The following PPP1R37 variants were observed in gnomAD, a reference collection of about 807,000 sequenced individuals.
PPP1R37 encodes the protein protein phosphatase 1 regulatory subunit 37, also known as leucine rich repeat containing 68.
A neutral mutation model predicts 61.0 loss-of-function variants in PPP1R37; 21 were observed. That is an observed-to-expected ratio of 0.34 (90% CI 0.24 to 0.50). The LOEUF is 0.50. PPP1R37 is among the 20% of genes least tolerant of loss of function. PPP1R37 has a pLI of 0.98. For synonymous variants in PPP1R37, 443 were observed against 433.5 expected, an observed-to-expected ratio of 1.02 and a Z score of -0.27; for missense variants, 910 against 952.7, an observed-to-expected ratio of 0.96 and a Z score of 0.59.
At chr19:45,118,120 A>G (rs1968293966) in intron 1 of PPP1R37, among the ~76,000 whole-genome samples, 1 of 152,204 alleles carries the variant, frequency 6.6e-6, no homozygotes, top group Non-Finnish European at 1.5e-5. Context: ...TGGGCTTCCA[A>G]CTGCCTACAG....
intron 1 of PPP1R37, among the ~76,000 whole-genome samples, chr19:45,115,870 A>T (rs1431834041): frequency 6.6e-6 from 1 of 151,716 alleles, no homozygotes. Flanking sequence ...CCTACTCGGG[A>T]GGCTGAGGGA....
intron 1 of PPP1R37, among the ~76,000 whole-genome samples, chr19:45,123,751 AG>A (rs1322806396): frequency 1.3e-5 from 2 of 152,230 alleles, no homozygotes; most frequent in African/African-American, 4.8e-5. Context: ...GGAATGCTTT[AG>A]GGCATGTTTT....
At chr19:45,118,492 C>G (rs538353539) in intron 1 of PPP1R37, among the ~76,000 whole-genome samples, 1 of 150,390 alleles carries the variant, frequency 6.6e-6, no homozygotes, top group Non-Finnish European at 1.5e-5. Flanking sequence ...TCTTCTTTGT[C>G]TTGGGTTGGG....
chr19:45,145,095 C>T lies in PPP1R37; in HGVS notation c.1131C>T (p.Gly377=), dbSNP rs561693389. ...GLASTKLTCE[G]AVAVAEFIAE... Reference sequence around the variant, plus strand: ...CCAGCCCCTGCGGTGCCCCCCCAGGCGCGGTGGCGGTGGCGGAGTTCATCG... The same window carrying T: ...CCAGCCCCTGCGGTGCCCCCCCAGGTGCGGTGGCGGTGGCGGAGTTCATCG... The change falls in exon 10 of 13, where the codon GGC becomes GGT. Residue 377 remains glycine (G), a splice_region_variant and synonymous_variant. Transcript: ENST00000221462. 10 of 1,532,488 alleles carry T rather than the reference C, an allele frequency of 6.5e-6. No homozygotes were observed. Among genetic ancestry groups the T allele is most frequent in the Non-Finnish European group, 7.0e-6 (8 of 1,145,398 alleles). The allele number at this position is 1,532,488 out of a possible 1,614,324, so 94.9% of individuals were successfully genotyped here.
intron 1 of PPP1R37, among the ~76,000 whole-genome samples, chr19:45,126,753 A>G (rs990814009): frequency 1.3e-5 from 2 of 152,138 alleles, no homozygotes; most frequent in African/African-American, 4.8e-5. Context: ...CCAGGCTTGA[A>G]GCCAGGTTCT....
chr19:45,143,982 G>A (rs566135418), intron 8 of PPP1R37: 3 of 169,398 alleles, frequency 1.8e-5, no homozygotes, highest in Non-Finnish European at 3.8e-5. Context: ...TGGGACTACA[G>A]GTGCCCGCCA....
intron 1 of PPP1R37, among the ~76,000 whole-genome samples, chr19:45,102,617 A>G (rs1412112951): frequency 6.6e-6 from 1 of 152,198 alleles, no homozygotes; most frequent in Non-Finnish European, 1.5e-5. Flanking sequence ...ACCAGCGGGT[A>G]GGATCATCTG....
chr19:45,104,060 C>T (rs760573858), intron 1 of PPP1R37, among the ~76,000 whole-genome samples: 4 of 152,042 alleles, frequency 2.6e-5, no homozygotes, highest in Non-Finnish European at 4.4e-5. Flanking sequence ...GACCAATTCC[C>T]GTTACCCCTC....
intron 1 of PPP1R37, among the ~76,000 whole-genome samples, chr19:45,113,751 A>T (rs769144718): frequency 1.3e-5 from 2 of 152,198 alleles, no homozygotes; most frequent in Admixed American, 6.5e-5. Flanking sequence ...GAGCTCACTC[A>T]GAGAGTTCTC....
At chr19:45,095,355 T>C (rs931929989) in intron 1 of PPP1R37, among the ~76,000 whole-genome samples, 8 of 148,878 alleles carry the variant, frequency 5.4e-5, no homozygotes, top group African/African-American at 2.1e-4. Flanking sequence ...CAGGCTGGTC[T>C]CGAACTCCCG....
At chr19:45,115,056 A>G (rs1402591518) in intron 1 of PPP1R37, among the ~76,000 whole-genome samples, 1 of 152,154 alleles carries the variant, frequency 6.6e-6, no homozygotes, top group Non-Finnish European at 1.5e-5. Flanking sequence ...GCATGCATTC[A>G]GCGAGTATTG....
intron 1 of PPP1R37, among the ~76,000 whole-genome samples, chr19:45,122,564 C>T (rs1968355093): frequency 6.6e-6 from 1 of 152,084 alleles, no homozygotes; most frequent in Non-Finnish European, 1.5e-5. Flanking sequence ...GAGAAGGAAG[C>T]AGGGATTCAT....
At chr19:45,146,084 C>T (rs1380899488) in intron 11 of PPP1R37, 35 bp downstream of exon 11, 18 of 1,487,256 alleles carry the variant, frequency 1.2e-5, no homozygotes, top group Middle Eastern at 1.7e-4. Context: ...TTGAGGGGCC[C>T]TGGGTGCTGT....
At chr19:45,101,770 G>A (rs1185100616) in intron 1 of PPP1R37, among the ~76,000 whole-genome samples, 2 of 152,194 alleles carry the variant, frequency 1.3e-5, no homozygotes, top group Admixed American at 6.5e-5. Flanking sequence ...CTGTGTGGAG[G>A]TGACATGAAT....
intron 1 of PPP1R37, among the ~76,000 whole-genome samples, chr19:45,093,740 A>G (rs1306463013): frequency 2.0e-5 from 3 of 152,174 alleles, no homozygotes; most frequent in African/African-American, 7.2e-5. Context: ...CACCCCACCC[A>G]CCCGAGACAA....
intron 1 of PPP1R37, chr19:45,136,433 C>CT (rs1968539959): frequency 6.6e-6 from 1 of 152,208 alleles, no homozygotes; most frequent in African/African-American, 2.4e-5. Flanking sequence ...TTCGTGGGCC[C>CT]TTTGGGGGTC....
intron 1 of PPP1R37, among the ~76,000 whole-genome samples, chr19:45,111,278 T>G (rs1277046139): frequency 1.3e-5 from 2 of 151,396 alleles, no homozygotes; most frequent in Non-Finnish European, 2.9e-5. Flanking sequence ...ATTATTATTA[T>G]TATTATTTTT....
rs1209900597 is a variant in PPP1R37, at chr19:45,145,885, T to G, written c.1829T>G (p.Ile610Ser). 1 of 1,390,444 alleles carries G rather than the reference T, an allele frequency of 7.2e-7. No individual in the cohort carries two copies. The highest frequency in any genetic ancestry group is 9.5e-7 in the Non-Finnish European group (1 of 1,057,606). The allele number at this position is 1,390,444 out of a possible 1,614,324, so 86.1% of individuals were successfully genotyped here. A position where few individuals can be genotyped will look rare whatever the true frequency, so the allele number is the denominator to read the frequency against. The change falls in exon 11 of 13, where the codon ATT becomes AGT. Residue 610 changes from isoleucine to serine, a missense_variant. Ile to Ser is a moderately radical substitution (Grantham distance 142, BLOSUM62 -2). This residue lies in a region of PPP1R37 where 549 missense variants were observed against 505.1 expected (regional missense o/e 1.09). Coordinates refer to ENST00000221462, the MANE Select transcript of PPP1R37 (RefSeq NM_019121.2). ...ASPSLPPAGAIDTRDTGSSEP... is the reference protein window; with the variant it reads ...ASPSLPPAGASDTRDTGSSEP... ...CCTTCCCTACCACCAGCCGGGGCCATTGACACCCGGGACACAGGGTCCTCT... is the reference window on the plus strand; with the variant it reads ...CCTTCCCTACCACCAGCCGGGGCCAGTGACACCCGGGACACAGGGTCCTCT...
In PPP1R37 at chr19:45,093,282, C is replaced by T. The variant is rs1967945058; in HGVS notation, c.-44C>T. 4.5e-6 allele frequency: 6 copies of T among 1,346,708 alleles called. No individual in the cohort carries two copies. Among genetic ancestry groups the T allele is most frequent in the Non-Finnish European group, 5.7e-6 (6 of 1,050,188 alleles). 83.4% of individuals were successfully genotyped at this position (1,346,708 alleles called of 1,614,324 possible). Reference sequence around the variant, plus strand: ...GGACCCGGAGAGACAAATCCGGGGCCCGGGGCATGTCCCCGGGGCCCCCGT... The same window carrying T: ...GGACCCGGAGAGACAAATCCGGGGCTCGGGGCATGTCCCCGGGGCCCCCGT... On this transcript the variant is annotated 5_prime_UTR_variant, in exon 1 of 13. Transcript: ENST00000221462.
Sources: gnomAD v4.1 joint callset for allele counts (sites outside exome capture counted in the v4.1 genomes callset) on GRCh38, gnomAD v4.1.1 for gene constraint, gnomAD v4.1.1 regional missense constraint, MANE v1.5 for transcripts, NCBI Gene and HGNC (gene_info 2026-07-23, HGNC 2026-07-21) for gene names.